The following MAST4 variants were observed in gnomAD, a reference collection of about 807,000 sequenced individuals.
MAST4 encodes microtubule-associated serine/threonine-protein kinase 4.
Under a neutral mutation model 162.7 loss-of-function variants are expected in MAST4, and 89 were observed. The ratio of observed to expected loss-of-function variants is 0.55; its 90% CI spans 0.46 to 0.65. The LOEUF is 0.65. Ranked by LOEUF, MAST4 falls within the 30% of genes least tolerant of loss-of-function variation. The pLI, the probability that MAST4 is intolerant of heterozygous loss-of-function variation, is 0.00. For synonymous variants in MAST4, 1,479 were observed against 1,361.1 expected, an observed-to-expected ratio of 1.09 and a Z score of -1.91; for missense variants, 3,153 against 3,374.0, an observed-to-expected ratio of 0.93 and a Z score of 1.62.
At chr5:66,816,342 C>A (rs533282756) in intron 3 of MAST4, among the ~76,000 whole-genome samples, 1 of 152,206 alleles carries the variant, frequency 6.6e-6, no homozygotes, top group East Asian at 1.9e-4. Context: ...CACCCCTGTT[C>A]ACGGCCACAG....
At chr5:67,099,319 A>G (rs1764771712) in intron 7 of MAST4, among the ~76,000 whole-genome samples, 1 of 151,726 alleles carries the variant, frequency 6.6e-6, no homozygotes, top group Admixed American at 6.6e-5. Context: ...TCATTTTTTT[A>G]TTGCTTGTAA....
At chr5:66,828,897 C>T (rs1237484087) in intron 3 of MAST4, 1 of 1,579,204 alleles carries the variant, frequency 6.3e-7, no homozygotes, top group Admixed American at 1.7e-5. Flanking sequence ...GAGACTGCTC[C>T]ATTCTTGACA....
rs11292115 is a variant in MAST4, at chr5:67,057,941, T to TA, written c.763+3464dup. ...ATGAAATGATATGTCATTGCAATTA[T>TA]AAAAAAAAAAAAAAAGTGGCCAGGC... On this transcript the variant is annotated intron_variant, in intron 5 of 28. Transcript: ENST00000403625. Among the ~76,000 whole-genome samples the TA allele has an allele frequency of 1.5e-3, 206 of 138,074 alleles. 1 individual carries two copies. The highest frequency in any genetic ancestry group is 3.7e-3 in the East Asian group (17 of 4,616). The allele number at this position is 138,074 out of a possible 152,430, so 90.6% of individuals were successfully genotyped here. A position where few individuals can be genotyped will look rare whatever the true frequency, so the allele number is the denominator to read the frequency against.
intron 5 of MAST4, among the ~76,000 whole-genome samples, chr5:67,059,955 C>A (rs558879734): frequency 6.6e-6 from 1 of 152,226 alleles, no homozygotes. Context: ...AAATGAATCA[C>A]GTGAACATTT....
chr5:66,997,576 C>T (rs1185685010), intron 4 of MAST4, among the ~76,000 whole-genome samples: 1 of 151,956 alleles, frequency 6.6e-6, no homozygotes, highest in African/African-American at 2.4e-5. Flanking sequence ...GGATTACAGG[C>T]ACCTGCCACC....
chr5:67,018,356 C>T (rs1753563566), intron 4 of MAST4, among the ~76,000 whole-genome samples: 1 of 152,090 alleles, frequency 6.6e-6, no homozygotes, highest in Non-Finnish European at 1.5e-5. Flanking sequence ...TTAGGGAGAG[C>T]ATTGTCTCCA....
chr5:66,688,943 C>T (rs112415186), intron 1 of MAST4, among the ~76,000 whole-genome samples: 128 of 152,212 alleles, frequency 8.4e-4, no homozygotes, highest in African/African-American at 2.9e-3. Context: ...CCTGAAAAGC[C>T]CTACATTTAC....
intron 1 of MAST4, among the ~76,000 whole-genome samples, chr5:66,721,728 G>A (rs1273758915): frequency 2.0e-5 from 3 of 150,500 alleles, no homozygotes; most frequent in South Asian, 2.1e-4. Flanking sequence ...TCAACATCTC[G>A]AATGCCTGGT....
chr5:66,954,900 C>CAAAAAAAAA (rs538274808), intron 4 of MAST4, among the ~76,000 whole-genome samples: 3 of 139,400 alleles, frequency 2.2e-5, no homozygotes, highest in African/African-American at 8.7e-5. Flanking sequence ...GACTCTGTCT[C>CAAAAAAAAA]AAAAAAAAAA....
intron 3 of MAST4, among the ~76,000 whole-genome samples, chr5:66,882,960 C>T (rs1413277624): frequency 6.6e-6 from 1 of 152,190 alleles, no homozygotes; most frequent in African/African-American, 2.4e-5. Flanking sequence ...TCCTTTACCA[C>T]TTAGGAGGTA....
intron 27 of MAST4, among the ~76,000 whole-genome samples, chr5:67,161,533 T>G (rs914017975): frequency 6.6e-6 from 1 of 152,180 alleles, no homozygotes; most frequent in African/African-American, 2.4e-5. Context: ...TCTTTCATAG[T>G]AGAAAATCAA....
intron 1 of MAST4, among the ~76,000 whole-genome samples, chr5:66,624,653 C>T (rs77817485): frequency 0.014 from 2,142 of 152,204 alleles, 48 homozygotes; most frequent in African/African-American, 0.049. Context: ...TATATTACAA[C>T]GCTATAGTAA....
intron 4 of MAST4, among the ~76,000 whole-genome samples, chr5:66,988,139 T>C (rs1452792272): frequency 6.6e-6 from 1 of 152,218 alleles, no homozygotes; most frequent in Non-Finnish European, 1.5e-5. Context: ...GCATTGTAAT[T>C]GTATACTTCA....
At chr5:66,733,751 G>A (rs1055612312) in intron 1 of MAST4, among the ~76,000 whole-genome samples, 1 of 133,820 alleles carries the variant, frequency 7.5e-6, no homozygotes, top group African/African-American at 3.0e-5. Flanking sequence ...GAGCCACTGC[G>A]CCCAGCCAAC....
At chr5:66,840,234 T>C (rs1232801244) in intron 3 of MAST4, among the ~76,000 whole-genome samples, 1 of 152,134 alleles carries the variant, frequency 6.6e-6, no homozygotes, top group Non-Finnish European at 1.5e-5. Flanking sequence ...TCTAGAAATA[T>C]TTCATTTTAT....
intron 4 of MAST4, among the ~76,000 whole-genome samples, chr5:66,935,561 A>T (rs530676565): frequency 2.0e-5 from 3 of 152,184 alleles, no homozygotes; most frequent in Non-Finnish European, 4.4e-5. Flanking sequence ...CTCAGTACTC[A>T]GTGTCCCACT....
At chr5:66,701,955 T>C (rs1749806080) in intron 1 of MAST4, among the ~76,000 whole-genome samples, 1 of 152,246 alleles carries the variant, frequency 6.6e-6, no homozygotes, top group African/African-American at 2.4e-5. Flanking sequence ...ACTAGGCTTT[T>C]ACATTCACTT....
intron 3 of MAST4, among the ~76,000 whole-genome samples, chr5:66,872,233 G>C (rs1760988708): frequency 6.6e-6 from 1 of 152,114 alleles, no homozygotes; most frequent in Non-Finnish European, 1.5e-5. Context: ...GCAGTGGCGT[G>C]ATCTCGGCTC....
chr5:66,717,813 T>G (rs976716047), intron 1 of MAST4, among the ~76,000 whole-genome samples: 1 of 152,226 alleles, frequency 6.6e-6, no homozygotes, highest in South Asian at 2.1e-4. Flanking sequence ...TCCAGATGAT[T>G]ATCTCTTCCT....
Sources: gnomAD v4.1 joint callset for allele counts (sites outside exome capture counted in the v4.1 genomes callset) on GRCh38, gnomAD v4.1.1 for gene constraint, MANE v1.5 for transcripts, NCBI Gene and HGNC (gene_info 2026-07-23, HGNC 2026-07-21) for gene names.